The following EXT1 variants were observed in gnomAD, a reference collection of about 807,000 sequenced individuals.
EXT1 encodes exostosin-1.
Under a neutral mutation model 82.5 loss-of-function variants are expected in EXT1, and 20 were observed. That is an observed-to-expected ratio of 0.24 (90% CI 0.17 to 0.35). The LOEUF (loss-of-function observed/expected upper bound fraction) is 0.35. Among genes scored for constraint, EXT1 ranks in the 10% least tolerant of loss-of-function variants. The pLI, the probability that EXT1 is intolerant of heterozygous loss-of-function variation, is 1.00. For synonymous variants in EXT1, 348 were observed against 350.8 expected (o/e 0.99, Z 0.09); for missense variants, 757 against 936.5 (o/e 0.81, Z 2.50).
At chr8:117,964,596 T>C (rs1397653308) in intron 1 of EXT1, among the ~76,000 whole-genome samples, 4 of 144,636 alleles carry the variant, frequency 2.8e-5, no homozygotes, top group East Asian at 3.9e-4. Context: ...AGAGAAATTT[T>C]TGTGGGTTTT....
intron 1 of EXT1, among the ~76,000 whole-genome samples, chr8:117,853,979 CAG>C (rs1211102271): frequency 6.6e-6 from 1 of 152,264 alleles, no homozygotes; most frequent in African/African-American, 2.4e-5. Flanking sequence ...ATGGTACACT[CAG>C]GGGAGGAAGC....
At chr8:118,080,420 T>G (rs1018041874) in intron 1 of EXT1, among the ~76,000 whole-genome samples, 1 of 152,078 alleles carries the variant, frequency 6.6e-6, no homozygotes, top group East Asian at 1.9e-4. Flanking sequence ...AGTAAATAAC[T>G]GCCTTTTTTT....
In EXT1 at chr8:117,842,626, C is replaced by T. The variant is rs375462779; in HGVS notation, c.963-5425G>A. 3.4e-4 allele frequency among the ~76,000 whole-genome samples: 52 copies of T among 152,228 alleles called. No homozygotes were observed. The East Asian group carries it at 7.9e-3, about 23-fold the overall frequency. On this transcript the variant is annotated intron_variant, in intron 1 of 10. Coordinates refer to ENST00000378204, the MANE Select transcript of EXT1 (RefSeq NM_000127.3). ...AAGAGGGATATAAACATTTTTAAAA[C>T]CCCTAGTAACAATTAAAAAGAATGA...
At chr8:118,023,156 T>C (rs1027524599) in intron 1 of EXT1, among the ~76,000 whole-genome samples, 9 of 152,168 alleles carry the variant, frequency 5.9e-5, no homozygotes, top group African/African-American at 1.2e-4. Flanking sequence ...TAGGATGAAA[T>C]AGAATAAAGT....
chr8:117,958,591 A>G (rs1316722436), intron 1 of EXT1, among the ~76,000 whole-genome samples: 1 of 152,234 alleles, frequency 6.6e-6, no homozygotes, highest in Non-Finnish European at 1.5e-5. Flanking sequence ...TCATTCTACT[A>G]TAATTTGGTT....
intron 1 of EXT1, among the ~76,000 whole-genome samples, chr8:117,985,077 C>T (rs1209013422): frequency 6.6e-6 from 1 of 152,116 alleles, no homozygotes; most frequent in Non-Finnish European, 1.5e-5. Flanking sequence ...ACCTGCCTGG[C>T]TCCCCAAGAA....
chr8:117,832,281 T>A (rs1221465869), intron 3 of EXT1, among the ~76,000 whole-genome samples: 1 of 152,086 alleles, frequency 6.6e-6, no homozygotes, highest in Non-Finnish European at 1.5e-5. Context: ...ATCCCAGCAC[T>A]TTGGGAGGCC....
intron 10 of EXT1, among the ~76,000 whole-genome samples, chr8:117,802,503 A>G (rs1432871953): frequency 6.6e-6 from 1 of 152,178 alleles, no homozygotes; most frequent in African/African-American, 2.4e-5. Flanking sequence ...CTGTGTTACA[A>G]CTGCCTACAG....
At chr8:118,085,404 C>G (rs994829839) in intron 1 of EXT1, among the ~76,000 whole-genome samples, 2 of 151,330 alleles carry the variant, frequency 1.3e-5, no homozygotes, top group African/African-American at 2.4e-5. Context: ...CCAGCTTCAT[C>G]AGAAGGTTAG....
chr8:117,863,583 C>G (rs1812723569), intron 1 of EXT1, among the ~76,000 whole-genome samples: 1 of 152,098 alleles, frequency 6.6e-6, no homozygotes, highest in Non-Finnish European at 1.5e-5. Context: ...TTGTGTACCC[C>G]AACCTTTGCC....
intron 1 of EXT1, among the ~76,000 whole-genome samples, chr8:118,002,178 ATTC>A (rs1815679288): frequency 6.6e-6 from 1 of 152,068 alleles, no homozygotes; most frequent in Non-Finnish European, 1.5e-5. Context: ...TTTCAAAATA[ATTC>A]TTCCTCAGCA....
intron 4 of EXT1, among the ~76,000 whole-genome samples, chr8:117,824,907 C>T (rs368939415): frequency 6.6e-6 from 1 of 152,066 alleles, no homozygotes; most frequent in African/African-American, 2.4e-5. Context: ...CATTCAGTTA[C>T]GCAGGCTGGA....
At chr8:117,813,066 G>T in intron 7 of EXT1, 105 bp from the exon 8 acceptor site, 1 of 870,166 alleles carries the variant, frequency 1.1e-6, no homozygotes, top group South Asian at 1.4e-5. Context: ...CATAAAGAAT[G>T]CGCTACTATC....
At chr8:118,007,316 C>T (rs1438793191) in intron 1 of EXT1, among the ~76,000 whole-genome samples, 1 of 151,804 alleles carries the variant, frequency 6.6e-6, no homozygotes, top group Non-Finnish European at 1.5e-5. Context: ...ACAAAAAAAG[C>T]ATTTGATGGC....
chr8:118,036,775 T>C (rs1816426257), intron 1 of EXT1, among the ~76,000 whole-genome samples: 1 of 152,186 alleles, frequency 6.6e-6, no homozygotes, highest in Non-Finnish European at 1.5e-5. Context: ...CCTTCCAGGC[T>C]TTGTTCTTCC....
At chr8:117,894,067 TACATATCCCCAC>T (rs1484407357) in intron 1 of EXT1, among the ~76,000 whole-genome samples, 1 of 152,204 alleles carries the variant, frequency 6.6e-6, no homozygotes, top group African/African-American at 2.4e-5. Flanking sequence ...GCCTTTTGGC[TACATATCCCCAC>T]TTGTTCAAGT....
chr8:118,023,509 T>C (rs971002208), intron 1 of EXT1, among the ~76,000 whole-genome samples: 67 of 152,144 alleles, frequency 4.4e-4, no homozygotes, highest in African/African-American at 1.6e-3. Flanking sequence ...AGTGGACCAA[T>C]AGAAATATAA....
rs1163564543 is a variant in EXT1 at position 117,796,260 on chromosome 8, C to T, written c.*3452G>A. The T allele has an allele frequency of 2.0e-5, 3 of 152,066 alleles. No homozygotes were observed. The highest frequency in any genetic ancestry group is 4.4e-5 in the Non-Finnish European group (3 of 68,032). The allele number at this position is 152,066 out of a possible 1,614,324, so 9.4% of individuals were successfully genotyped here. A position where few individuals can be genotyped will look rare whatever the true frequency, so the allele number is the denominator to read the frequency against. ...CTTGGCTTTTGCATCCATAATTCAGCCTTGTCCAGCAAGAATCTCATTCAG... is the reference window on the plus strand; with the variant it reads ...CTTGGCTTTTGCATCCATAATTCAGTCTTGTCCAGCAAGAATCTCATTCAG... On this transcript the variant is annotated 3_prime_UTR_variant, in exon 11 of 11. Coordinates refer to ENST00000378204, the MANE Select transcript of EXT1 (RefSeq NM_000127.3).
chr8:118,008,081 C>T (rs1422073351), intron 1 of EXT1, among the ~76,000 whole-genome samples: 2 of 152,106 alleles, frequency 1.3e-5, no homozygotes, highest in Non-Finnish European at 2.9e-5. Context: ...TCCCAACCCC[C>T]GACAGGCCCA....
Sources: allele counts gnomAD v4.1 joint callset (sites outside exome capture counted in the v4.1 genomes callset), GRCh38; gene constraint gnomAD v4.1.1; transcripts MANE v1.5; gene names NCBI Gene and HGNC (gene_info 2026-07-23, HGNC 2026-07-21).